The following CAMK1D variants were observed in gnomAD, a reference collection of about 807,000 sequenced individuals.
The protein encoded by CAMK1D is calcium/calmodulin dependent protein kinase ID.
CAMK1D carries 9 observed loss-of-function variants against 47.7 expected under a neutral mutation model. That is an observed-to-expected ratio of 0.19 (90% CI 0.11 to 0.33). The LOEUF (loss-of-function observed/expected upper bound fraction) is 0.33, where lower values mean the gene tolerates loss of function less well. CAMK1D is among the 10% of genes least tolerant of loss of function. The probability of loss-of-function intolerance (pLI) is 1.00; values close to 1 mark genes in which losing one functional copy is unlikely to be tolerated. For synonymous variants in CAMK1D, 184 were observed against 184.9 expected, an observed-to-expected ratio of 0.99 and a Z score of 0.04; for missense variants, 291 against 488.7, an observed-to-expected ratio of 0.60 and a Z score of 3.81.
chr10:12,677,902 A>G (rs1318140556), intron 3 of CAMK1D, among the ~76,000 whole-genome samples: 1 of 152,190 alleles, frequency 6.6e-6, no homozygotes. Flanking sequence ...AGCTAACTCA[A>G]TACCTCTGGT....
chr10:12,559,307 C>A (rs1836862179), intron 2 of CAMK1D, among the ~76,000 whole-genome samples: 1 of 151,988 alleles, frequency 6.6e-6, no homozygotes, highest in South Asian at 2.1e-4. Flanking sequence ...AAGGAAAAAA[C>A]AAAAATATTA....
chr10:12,362,967 G>A (rs1837722400), intron 1 of CAMK1D, among the ~76,000 whole-genome samples: 1 of 132,622 alleles, frequency 7.5e-6, no homozygotes, highest in Non-Finnish European at 1.6e-5. Context: ...TTGAGATAGG[G>A]TCTCACTCTG....
chr10:12,746,343 G>A (rs529048270), intron 3 of CAMK1D, among the ~76,000 whole-genome samples: 1 of 124,468 alleles, frequency 8.0e-6, no homozygotes, highest in African/African-American at 3.5e-5. Context: ...CAGCCTGGGC[G>A]ACAGAGCAAG....
At chr10:12,648,003 C>T (rs1310342178) in intron 2 of CAMK1D, among the ~76,000 whole-genome samples, 1 of 152,228 alleles carries the variant, frequency 6.6e-6, no homozygotes, top group Non-Finnish European at 1.5e-5. Context: ...GGATGCAAAG[C>T]ATCGAGGAGG....
At chr10:12,771,304 G>T (rs1420911968) in intron 5 of CAMK1D, among the ~76,000 whole-genome samples, 1 of 152,216 alleles carries the variant, frequency 6.6e-6, no homozygotes, top group Non-Finnish European at 1.5e-5. Context: ...CCTGAGAGAG[G>T]AGGTATGTTA....
chr10:12,814,586 A>C (rs1832727307), intron 7 of CAMK1D, among the ~76,000 whole-genome samples: 1 of 152,174 alleles, frequency 6.6e-6, no homozygotes, highest in African/African-American at 2.4e-5. Flanking sequence ...TTTCTTCTCA[A>C]CTATGTCCTT....
At chr10:12,596,159 G>C (rs1037343517) in intron 2 of CAMK1D, among the ~76,000 whole-genome samples, 3 of 152,020 alleles carry the variant, frequency 2.0e-5, no homozygotes, top group African/African-American at 7.3e-5. Context: ...TTTGGAGGAG[G>C]GGTTGAGTTT....
rs1833583757 is a variant in CAMK1D, at chr10:12,466,183, A to C, written c.93-87042A>C. On this transcript the variant is annotated intron_variant, in intron 1 of 10. Coordinates refer to ENST00000619168, the MANE Select transcript of CAMK1D (RefSeq NM_153498.4). Reference sequence around the variant, plus strand: ...AAATTTTAGGGAGACCAAGGCGGGCAGATCACGAGGTCAGGAGATCGAGCC... The same window carrying C: ...AAATTTTAGGGAGACCAAGGCGGGCCGATCACGAGGTCAGGAGATCGAGCC... Among the ~76,000 whole-genome samples, 3 of 152,232 alleles carry C rather than the reference A, an allele frequency of 2.0e-5. No individual in the cohort carries two copies. In the South Asian group the frequency reaches 6.2e-4, roughly 32 times the overall value.
intron 1 of CAMK1D, among the ~76,000 whole-genome samples, chr10:12,522,977 TCCC>T (rs1835481943): frequency 2.5e-5 from 3 of 119,268 alleles, no homozygotes; most frequent in African/African-American, 9.8e-5. Context: ...GATCCCCATC[TCCC>T]TCCCAGATGG....
chr10:12,816,908 G>A (rs949997927), intron 8 of CAMK1D, among the ~76,000 whole-genome samples: 1 of 149,214 alleles, frequency 6.7e-6, no homozygotes, highest in Non-Finnish European at 1.5e-5. Context: ...ACATACCCGA[G>A]ACTGGGCAAT....
At chr10:12,514,562 A>G (rs11257844) in intron 1 of CAMK1D, among the ~76,000 whole-genome samples, 10,992 of 152,340 alleles carry the variant, frequency 0.072, 465 homozygotes, top group East Asian at 0.17. Flanking sequence ...GTCAAGAAGT[A>G]TGTGGGGCAG....
chr10:12,484,516 G>A (rs1412956375), intron 1 of CAMK1D, among the ~76,000 whole-genome samples: 1 of 152,194 alleles, frequency 6.6e-6, no homozygotes, highest in Non-Finnish European at 1.5e-5. Context: ...ATAGGAGAGA[G>A]CAGAAGTTCT....
rs186280858 is a variant in CAMK1D, at chr10:12,822,741, A to G, written c.834-1724A>G. ...AGCTTTTCAACAGGGTCCAGGAGGA[A>G]TCACTCCCTTGGGCTCTCCGGGGAA... On this transcript the variant is annotated intron_variant, in intron 8 of 10. Coordinates refer to ENST00000619168, the MANE Select transcript of CAMK1D (RefSeq NM_153498.4). Among the ~76,000 whole-genome samples, 109 of 152,340 alleles carry G rather than the reference A, an allele frequency of 7.2e-4. 1 individual carries two copies. The highest frequency in any genetic ancestry group is 2.5e-3 in the African/African-American group (104 of 41,574).
At chr10:12,477,765 G>A (rs576864476) in intron 1 of CAMK1D, among the ~76,000 whole-genome samples, 1 of 152,274 alleles carries the variant, frequency 6.6e-6, no homozygotes, top group South Asian at 2.1e-4. Flanking sequence ...GTGCTCACCT[G>A]TGCGATGCCA....
intron 3 of CAMK1D, among the ~76,000 whole-genome samples, chr10:12,713,735 C>T (rs1402757143): frequency 1.3e-5 from 2 of 152,196 alleles, no homozygotes; most frequent in East Asian, 1.9e-4. Flanking sequence ...AAGTGGCATT[C>T]ACCTGGATGG....
intron 1 of CAMK1D, among the ~76,000 whole-genome samples, chr10:12,370,035 TA>T (rs1305774802): frequency 2.6e-5 from 4 of 151,522 alleles, no homozygotes; most frequent in Non-Finnish European, 2.9e-5. Context: ...TAATAGCAAA[TA>T]TTTACTGAGC....
intron 1 of CAMK1D, among the ~76,000 whole-genome samples, chr10:12,483,673 A>AT (rs1834128833): frequency 6.6e-6 from 1 of 151,602 alleles, no homozygotes; most frequent in South Asian, 2.1e-4. Context: ...CTCTAAAAAA[A>AT]GAGATCCAAT....
At chr10:12,713,486 GTC>G (rs1251946842) in intron 3 of CAMK1D, among the ~76,000 whole-genome samples, 9 of 152,320 alleles carry the variant, frequency 5.9e-5, no homozygotes, top group Admixed American at 5.2e-4. Flanking sequence ...GGCCGGAATG[GTC>G]TCTCTGTCGG....
At chr10:12,423,549 A>G (rs187087764) in intron 1 of CAMK1D, among the ~76,000 whole-genome samples, 82 of 152,184 alleles carry the variant, frequency 5.4e-4, no homozygotes, top group African/African-American at 1.9e-3. Context: ...CTTCAATTCT[A>G]CCTCATGACA....
Sources: gnomAD v4.1 joint callset for allele counts (sites outside exome capture counted in the v4.1 genomes callset) on GRCh38, gnomAD v4.1.1 for gene constraint, MANE v1.5 for transcripts, NCBI Gene and HGNC (gene_info 2026-07-23, HGNC 2026-07-21) for gene names.